Variants in FERMT2 observed in about 807,000 individuals in gnomAD.
FERMT2 encodes the protein fermitin family homolog 2.
In FERMT2, 15 loss-of-function variants were observed where a neutral mutation model predicts 82.7. The observed-to-expected ratio is 0.18, with a 90% CI of 0.12 to 0.28. The LOEUF (loss-of-function observed/expected upper bound fraction) is 0.28. FERMT2 is among the 10% of genes least tolerant of loss of function. FERMT2 has a pLI of 1.00. For synonymous variants in FERMT2, 274 were observed against 271.5 expected (o/e 1.01, Z -0.09); for missense variants, 645 against 809.4 (o/e 0.80, Z 2.46).
rs775324201 is a variant in FERMT2, at chr14:52,858,366, AGTATTCCTAT to A, written c.*1_*10del. On this transcript the variant is annotated 3_prime_UTR_variant, in exon 15 of 15. Transcript: ENST00000341590. ...TTATGGCCGTGGAGTTTCATTAAAC[AGTATTCCTAT>A]TCACACCCAACCACTGGTAAGTTTG... 1.2e-6 allele frequency: 2 copies of A among 1,608,630 alleles called. No individual in the cohort carries two copies. The highest frequency in any genetic ancestry group is 2.2e-5 in the South Asian group (2 of 90,958).
At position 52,881,399 on chromosome 14, in the gene FERMT2, G is replaced by T; in HGVS notation, c.597C>A (p.Ser199Arg). 1 of 1,613,950 alleles carries T rather than the reference G, an allele frequency of 6.2e-7. No homozygotes were observed. Among genetic ancestry groups the T allele is most frequent in the Non-Finnish European group, 8.5e-7 (1 of 1,179,974 alleles). ...MTPTYDAHDGSPLSPTSAWFG... is the reference protein window; with the variant it reads ...MTPTYDAHDGRPLSPTSAWFG... ...ACCAAGCAGAAGTTGGTGACAAGGG[G>T]CTTCCATCATGAGCATCATAAGTGG... The change falls in exon 5 of 15, where the codon AGC becomes AGA. Residue 199 changes from serine to arginine, a missense_variant. Transcript: ENST00000341590.
chr14:52,859,358 A>T, intron 14 of FERMT2: 1 of 453,588 alleles, frequency 2.2e-6, no homozygotes, highest in Non-Finnish European at 3.8e-6. Flanking sequence ...AAAAAAGGCA[A>T]CATTCTAAGC....
chr14:52,869,652 G>A (rs547166662), intron 10 of FERMT2, among the ~76,000 whole-genome samples: 1 of 150,558 alleles, frequency 6.6e-6, no homozygotes, highest in Admixed American at 6.6e-5. Context: ...ACCTGATAAT[G>A]ATAAATGACT....
rs2140049718 is a variant in FERMT2 at position 52,860,929 on chromosome 14, T to TA, written c.1603-465dup. On this transcript the variant is annotated intron_variant, in intron 12 of 14. Coordinates refer to ENST00000341590, the MANE Select transcript of FERMT2 (RefSeq NM_006832.3). ...TTTCTATTTTAAATTTAAATTTCAC[T>TA]ACTGGGGTAAATTCCATGAGGGAAG... is the stretch of plus-strand genomic sequence containing the variant. 1.5e-5 allele frequency: 14 copies of TA among 936,322 alleles called. No homozygotes were observed. In the South Asian group the frequency reaches 2.2e-4, roughly 15 times the overall value. 58.0% of individuals were successfully genotyped at this position (936,322 alleles called of 1,614,324 possible). A position where few individuals can be genotyped will look rare whatever the true frequency, so the allele number is the denominator to read the frequency against.
At chr14:52,943,639 T>C (rs1380987618) in intron 2 of FERMT2, among the ~76,000 whole-genome samples, 1 of 152,198 alleles carries the variant, frequency 6.6e-6, no homozygotes, top group Non-Finnish European at 1.5e-5. Context: ...AGGTGATACA[T>C]ATTTAAATAT....
chr14:52,944,469 T>TATA (rs1595028291), intron 2 of FERMT2, among the ~76,000 whole-genome samples: 1 of 152,168 alleles, frequency 6.6e-6, no homozygotes, highest in East Asian at 1.9e-4. Context: ...TAAGCCAGGG[T>TATA]ATAAGGGAGC....
intron 3 of FERMT2, among the ~76,000 whole-genome samples, chr14:52,900,274 C>T (rs927496500): frequency 6.6e-6 from 1 of 151,892 alleles, no homozygotes; most frequent in Non-Finnish European, 1.5e-5. Context: ...GCCACTACAC[C>T]CAGTGATAGC....
chr14:52,867,490 T>C (rs145766132), intron 10 of FERMT2, among the ~76,000 whole-genome samples: 55 of 152,304 alleles, frequency 3.6e-4, no homozygotes, highest in African/African-American at 1.3e-3. Flanking sequence ...TTGTTTCCTT[T>C]GCAAGGTCCC....
intron 2 of FERMT2, among the ~76,000 whole-genome samples, chr14:52,935,349 T>G (rs1157292600): frequency 6.6e-6 from 1 of 152,178 alleles, no homozygotes; most frequent in Non-Finnish European, 1.5e-5. Context: ...CAGTGTCAAA[T>G]TATGGGAAAC....
intron 2 of FERMT2, among the ~76,000 whole-genome samples, chr14:52,946,626 G>C (rs372615272): frequency 3.9e-5 from 6 of 152,292 alleles, no homozygotes; most frequent in African/African-American, 1.4e-4. Context: ...ACTCCAGCCT[G>C]GGTGACAGTG....
Position 52,866,628 on chromosome 14 carries a change from A to C in FERMT2, c.1274-1775T>G, listed in dbSNP as rs933069460. Among the ~76,000 whole-genome samples the C allele has an allele frequency of 8.5e-5, 13 of 152,124 alleles. 1 individual carries two copies. The highest frequency in any genetic ancestry group is 1.8e-4 in the Non-Finnish European group (12 of 68,020). On this transcript the variant is annotated intron_variant, in intron 10 of 14. Transcript: ENST00000341590. ...TTTCACTACAGATTCATGGATACCA[A>C]CCTCAGCTGGGCCCTTTATGCTTGC...
chr14:52,939,595 G>C (rs532854543), intron 2 of FERMT2, among the ~76,000 whole-genome samples: 1 of 152,204 alleles, frequency 6.6e-6, no homozygotes, highest in South Asian at 2.1e-4. Flanking sequence ...CAAAGATACT[G>C]TTATTATCCC....
At chr14:52,904,727 G>C (rs1887890457) in intron 3 of FERMT2, among the ~76,000 whole-genome samples, 2 of 149,262 alleles carry the variant, frequency 1.3e-5, no homozygotes, top group Admixed American at 1.3e-4. Flanking sequence ...AACCAGCCTG[G>C]GAAATATGAT....
intron 8 of FERMT2, among the ~76,000 whole-genome samples, chr14:52,874,689 T>C (rs1885841491): frequency 2.6e-5 from 4 of 152,224 alleles, no homozygotes; most frequent in Admixed American, 2.6e-4. Flanking sequence ...CTTGAGATTA[T>C]TTTCCTCTGC....
chr14:52,904,761 A>AG (rs1329574278), intron 3 of FERMT2, among the ~76,000 whole-genome samples: 6 of 148,582 alleles, frequency 4.0e-5, no homozygotes, highest in Non-Finnish European at 8.9e-5. Flanking sequence ...TAAAAGGAGG[A>AG]GAAAAAAAAA....
chr14:52,906,958 G>GT (rs1286052617), intron 3 of FERMT2, among the ~76,000 whole-genome samples: 1 of 130,452 alleles, frequency 7.7e-6, no homozygotes, highest in Non-Finnish European at 1.6e-5. Flanking sequence ...GGGGGGGGGG[G>GT]GGAATTTAGA....
chr14:52,914,878 C>T (rs1271027458), intron 3 of FERMT2, among the ~76,000 whole-genome samples: 1 of 152,024 alleles, frequency 6.6e-6, no homozygotes, highest in East Asian at 1.9e-4. Flanking sequence ...GAAGATACCA[C>T]CACTGAACTC....
intron 2 of FERMT2, among the ~76,000 whole-genome samples, chr14:52,949,227 C>G (rs1337576213): frequency 6.6e-6 from 1 of 152,088 alleles, no homozygotes; most frequent in Non-Finnish European, 1.5e-5. Flanking sequence ...AAAGCAGGTC[C>G]ACCCAAATGA....
At chr14:52,868,564 T>A (rs1431127923) in intron 10 of FERMT2, among the ~76,000 whole-genome samples, 1 of 152,158 alleles carries the variant, frequency 6.6e-6, no homozygotes, top group Non-Finnish European at 1.5e-5. Context: ...GGAGTTCACT[T>A]AGTATTAGCT....
Sources: allele counts gnomAD v4.1 joint callset (sites outside exome capture counted in the v4.1 genomes callset), GRCh38; gene constraint gnomAD v4.1.1; transcripts MANE v1.5; gene names NCBI Gene and HGNC (gene_info 2026-07-23, HGNC 2026-07-21).